The following MGMT variants were observed in gnomAD, a reference collection of about 807,000 sequenced individuals.
MGMT encodes methylated-DNA--protein-cysteine methyltransferase.
A neutral mutation model predicts 15.9 loss-of-function variants in MGMT; 14 were observed. That is an observed-to-expected ratio of 0.88 (90% CI 0.58 to 1.37). MGMT has a LOEUF of 1.37. Among genes scored for constraint, MGMT ranks in the 40% most tolerant of loss-of-function variants. The pLI is 0.00. For synonymous variants in MGMT, 130 were observed against 118.2 expected, an observed-to-expected ratio of 1.10 and a Z score of -0.65; for missense variants, 282 against 268.1, an observed-to-expected ratio of 1.05 and a Z score of -0.36.
intron 2 of MGMT, among the ~76,000 whole-genome samples, chr10:129,690,893 T>A (rs1847962236): frequency 6.6e-6 from 1 of 152,070 alleles, no homozygotes; most frequent in Non-Finnish European, 1.5e-5. Context: ...TGGTGATGAC[T>A]CGGGGAGGCT....
In MGMT at chr10:129,707,985, G is replaced by T. The variant is rs755473287; in HGVS notation, c.216G>T (p.Gln72His). 4 of 1,613,720 alleles carry T rather than the reference G, an allele frequency of 2.5e-6. No individual in the cohort carries two copies. Among genetic ancestry groups the T allele is most frequent in the African/African-American group, 2.7e-5 (2 of 75,008 alleles). ...CCTGGCTGAATGCCTATTTCCACCAGCCCGAGGCTATCGAAGAGTTCCCCG... is the reference window on the plus strand; with the variant it reads ...CCTGGCTGAATGCCTATTTCCACCATCCCGAGGCTATCGAAGAGTTCCCCG... The part of the protein sequence containing the change: ...CTAWLNAYFH[Q>H]PEAIEEFPVP... Residue 72 changes from glutamine (Q) to histidine (H), a missense_variant, in exon 3 of 5, where the codon CAG becomes CAT. By Grantham distance (24) the Gln-to-His change is conservative. Coordinates refer to ENST00000651593, the MANE Select transcript of MGMT (RefSeq NM_002412.5).
chr10:129,574,189 A>G (rs1458193136), intron 2 of MGMT, among the ~76,000 whole-genome samples: 1 of 152,212 alleles, frequency 6.6e-6, no homozygotes, highest in Non-Finnish European at 1.5e-5. Flanking sequence ...AGCCTCACCT[A>G]CAGCTTCTTG....
At chr10:129,728,571 G>A (rs1848459811) in intron 3 of MGMT, among the ~76,000 whole-genome samples, 1 of 152,104 alleles carries the variant, frequency 6.6e-6, no homozygotes, top group Non-Finnish European at 1.5e-5. Context: ...ATGGCCCGCT[G>A]TGTGGCATGT....
At chr10:129,697,039 C>T (rs754114977) in intron 2 of MGMT, among the ~76,000 whole-genome samples, 13 of 152,164 alleles carry the variant, frequency 8.5e-5, no homozygotes, top group Admixed American at 2.6e-4. Context: ...ATCTGACCTT[C>T]CTTTAAGAGC....
intron 3 of MGMT, among the ~76,000 whole-genome samples, chr10:129,711,039 T>A (rs1433623759): frequency 6.6e-6 from 1 of 152,194 alleles, no homozygotes; most frequent in African/African-American, 2.4e-5. Flanking sequence ...TTCCAGCACA[T>A]TGACCATTTC....
chr10:129,606,012 A>G (rs1259336949), intron 2 of MGMT, among the ~76,000 whole-genome samples: 1 of 152,196 alleles, frequency 6.6e-6, no homozygotes, highest in Non-Finnish European at 1.5e-5. Context: ...AGGGCTGCGC[A>G]GTGCCTCTGT....
intron 2 of MGMT, among the ~76,000 whole-genome samples, chr10:129,572,294 T>A (rs1393377972): frequency 6.6e-6 from 1 of 152,238 alleles, no homozygotes; most frequent in Non-Finnish European, 1.5e-5. Context: ...ATTCTGTGAT[T>A]AGTCTGTGTG....
chr10:129,697,322 G>A (rs1453307216), intron 2 of MGMT, among the ~76,000 whole-genome samples: 2 of 152,210 alleles, frequency 1.3e-5, no homozygotes, highest in African/African-American at 4.8e-5. Flanking sequence ...GTGTGGACTT[G>A]TCATGATGAG....
chr10:129,657,483 G>C (rs968669255), intron 2 of MGMT, among the ~76,000 whole-genome samples: 1 of 151,858 alleles, frequency 6.6e-6, no homozygotes, highest in African/African-American at 2.4e-5. Flanking sequence ...GGTGGAGGTG[G>C]GGCAGGCGTG....
At chr10:129,620,439 A>G (rs1847078855) in intron 2 of MGMT, among the ~76,000 whole-genome samples, 1 of 152,024 alleles carries the variant, frequency 6.6e-6, no homozygotes, top group Admixed American at 6.5e-5. Flanking sequence ...GAAGTCTGCA[A>G]CTCGAATTAT....
chr10:129,600,881 C>T (rs1407666633), intron 2 of MGMT, among the ~76,000 whole-genome samples: 4 of 152,176 alleles, frequency 2.6e-5, no homozygotes, highest in South Asian at 4.1e-4. Flanking sequence ...AGTGGAACCT[C>T]AGGTTTAGCT....
chr10:129,637,998 T>G (rs960278680), intron 2 of MGMT, among the ~76,000 whole-genome samples: 1 of 152,074 alleles, frequency 6.6e-6, no homozygotes, highest in Admixed American at 6.5e-5. Flanking sequence ...CGCGGGAGAG[T>G]GAGTGCCTCC....
At chr10:129,722,655 G>A (rs1170141662) in intron 3 of MGMT, among the ~76,000 whole-genome samples, 1 of 152,206 alleles carries the variant, frequency 6.6e-6, no homozygotes, top group Non-Finnish European at 1.5e-5. Flanking sequence ...AGAGAGACCA[G>A]TGTTTTTTCA....
intron 1 of MGMT, among the ~76,000 whole-genome samples, chr10:129,523,054 A>G (rs1258078782): frequency 6.6e-6 from 1 of 152,260 alleles, no homozygotes; most frequent in Non-Finnish European, 1.5e-5. Flanking sequence ...AAGAAGTGAC[A>G]TTTCATTTTG....
At chr10:129,603,524 A>G (rs1312948772) in intron 2 of MGMT, among the ~76,000 whole-genome samples, 2 of 152,252 alleles carry the variant, frequency 1.3e-5, no homozygotes, top group Non-Finnish European at 2.9e-5. Context: ...TGGTATTTCA[A>G]GAGCATATTA....
At chr10:129,523,531 C>T (rs577171308) in intron 1 of MGMT, among the ~76,000 whole-genome samples, 52 of 152,212 alleles carry the variant, frequency 3.4e-4, no homozygotes, top group East Asian at 1.9e-4. Flanking sequence ...AGGCGGGTCT[C>T]GAAGCCCATG....
intron 3 of MGMT, among the ~76,000 whole-genome samples, chr10:129,758,203 T>G (rs1294017539): frequency 6.6e-6 from 1 of 152,202 alleles, no homozygotes; most frequent in Non-Finnish European, 1.5e-5. Context: ...AAGGGTGTGT[T>G]TCCTTTAAGA....
intron 1 of MGMT, among the ~76,000 whole-genome samples, chr10:129,525,308 G>T (rs1356654591): frequency 6.6e-6 from 1 of 152,190 alleles, no homozygotes; most frequent in Non-Finnish European, 1.5e-5. Context: ...TTTTAAGTAT[G>T]ATTTTTAAAT....
chr10:129,744,381 C>T (rs1023554464), intron 3 of MGMT, among the ~76,000 whole-genome samples: 25 of 152,362 alleles, frequency 1.6e-4, no homozygotes, highest in African/African-American at 6.0e-4. Flanking sequence ...AGCCCAGTCC[C>T]ATGGAAAGTG....
Sources: allele counts gnomAD v4.1 joint callset (sites outside exome capture counted in the v4.1 genomes callset), GRCh38; gene constraint gnomAD v4.1.1; transcripts MANE v1.5; gene names NCBI Gene and HGNC (gene_info 2026-07-23, HGNC 2026-07-21).